PRKCZ: variants seen among roughly 807,000 people sequenced by gnomAD.
PRKCZ encodes protein kinase C zeta type.
In PRKCZ, 33 loss-of-function variants were observed where a neutral mutation model predicts 79.5. The ratio of observed to expected loss-of-function variants is 0.41; its 90% CI spans 0.31 to 0.55. PRKCZ has a LOEUF of 0.55. Ranked by LOEUF, PRKCZ falls within the 20% of genes least tolerant of loss-of-function variation. PRKCZ has a pLI of 0.19. For synonymous variants in PRKCZ, 342 were observed against 320.9 expected (o/e 1.07, Z -0.70); for missense variants, 578 against 813.5 (o/e 0.71, Z 3.52).
intron 9 of PRKCZ, among the ~76,000 whole-genome samples, chr1:2,155,384 G>A (rs981431615): frequency 5.3e-5 from 8 of 152,130 alleles, no homozygotes; most frequent in Admixed American, 5.2e-4. Context: ...CAGTGGTGAT[G>A]ATGGAGATGG....
chr1:2,093,069 G>A (rs548618262), intron 4 of PRKCZ, among the ~76,000 whole-genome samples: 2 of 151,808 alleles, frequency 1.3e-5, no homozygotes, highest in Admixed American at 6.5e-5. Context: ...AGATGCCAAT[G>A]TGATGGGTGG....
chr1:2,153,454 G>A (rs1680306614), intron 9 of PRKCZ, among the ~76,000 whole-genome samples: 1 of 151,286 alleles, frequency 6.6e-6, no homozygotes, highest in Non-Finnish European at 1.5e-5. Context: ...CAGAGCTGGG[G>A]CTGGGGCTGA....
intron 4 of PRKCZ, among the ~76,000 whole-genome samples, chr1:2,119,653 T>C (rs997861684): frequency 1.3e-5 from 2 of 152,242 alleles, no homozygotes; most frequent in African/African-American, 2.4e-5. Flanking sequence ...CCTTCAGATT[T>C]ACCCCCAGGT....
intron 4 of PRKCZ, among the ~76,000 whole-genome samples, chr1:2,102,982 A>C (rs1393109295): frequency 2.6e-5 from 4 of 151,470 alleles, no homozygotes; most frequent in African/African-American, 7.3e-5. Context: ...CAAGCCTCCC[A>C]CCTCAGCCTC....
intron 4 of PRKCZ, among the ~76,000 whole-genome samples, chr1:2,099,109 C>T (rs961575803): frequency 2.0e-5 from 3 of 151,920 alleles, no homozygotes; most frequent in South Asian, 4.1e-4. Context: ...GTCTGTGTTG[C>T]GACTTCTGTG....
chr1:2,067,585 C>T (rs562009249), intron 4 of PRKCZ, among the ~76,000 whole-genome samples: 66 of 152,260 alleles, frequency 4.3e-4, no homozygotes, highest in Admixed American at 1.4e-3. Flanking sequence ...GGTCTGTGGG[C>T]TCCACCTGCT....
At chr1:2,112,697 T>TGG (rs1218042817) in intron 4 of PRKCZ, among the ~76,000 whole-genome samples, 4 of 146,754 alleles carry the variant, frequency 2.7e-5, no homozygotes, top group African/African-American at 7.4e-5. Context: ...GTTGGTTTTT[T>TGG]TTTTTTTTGG....
intron 4 of PRKCZ, among the ~76,000 whole-genome samples, chr1:2,108,693 C>G (rs1024886152): frequency 6.6e-6 from 1 of 152,220 alleles, no homozygotes; most frequent in East Asian, 1.9e-4. Flanking sequence ...GGGCTGTGAG[C>G]GAGGCTGTCT....
At chr1:2,155,951 G>A (rs768527034) in intron 9 of PRKCZ, 44 bp from the exon 10 acceptor site, 3 of 1,554,974 alleles carry the variant, frequency 1.9e-6, no homozygotes, top group Middle Eastern at 1.7e-4. Context: ...TGCCTGTGAG[G>A]AGCATTCGGG....
chr1:2,135,787 C>G (rs559615629), intron 5 of PRKCZ, among the ~76,000 whole-genome samples: 11 of 152,258 alleles, frequency 7.2e-5, no homozygotes, highest in Non-Finnish European at 1.6e-4. Flanking sequence ...CTGCTTGGGC[C>G]TCTGTCTTCC....
At chr1:2,099,066 TC>T (rs932951886) in intron 4 of PRKCZ, among the ~76,000 whole-genome samples, 2 of 151,912 alleles carry the variant, frequency 1.3e-5, no homozygotes, top group African/African-American at 4.8e-5. Context: ...TGCTGTGACT[TC>T]CGTTGTTGTC....
Position 2,051,319 on chromosome 1 carries a change from G to A in PRKCZ, c.71+618G>A, listed in dbSNP as rs559745603. 7.2e-5 allele frequency among the ~76,000 whole-genome samples: 11 copies of A among 152,218 alleles called. No homozygotes were observed. The South Asian group carries it at 1.9e-3, about 26-fold the overall frequency. On this transcript the variant is annotated intron_variant, in intron 1 of 17. Coordinates refer to ENST00000378567, the MANE Select transcript of PRKCZ (RefSeq NM_002744.6). The stretch of plus-strand genomic sequence containing the variant: ...GCGCGGTCAGGTGCTGGAGCGGAGG[G>A]GTCCTGGACTCTTGGCCGCCGCCTC...
At chr1:2,122,107 T>C (rs1480529500) in intron 4 of PRKCZ, among the ~76,000 whole-genome samples, 1 of 57,794 alleles carries the variant, frequency 1.7e-5, no homozygotes, top group Non-Finnish European at 3.3e-5. Context: ...AGGGTCATGG[T>C]GGTGGTTAGG....
chr1:2,115,099 C>T (rs1044633421), intron 4 of PRKCZ, among the ~76,000 whole-genome samples: 1 of 152,250 alleles, frequency 6.6e-6, no homozygotes, highest in African/African-American at 2.4e-5. Flanking sequence ...TTGGTGCCTG[C>T]AGATAGTTTT....
intron 10 of PRKCZ, among the ~76,000 whole-genome samples, chr1:2,167,755 C>T (rs1048185184): frequency 2.6e-5 from 4 of 152,168 alleles, no homozygotes; most frequent in African/African-American, 7.2e-5. Context: ...CAGGTGCACA[C>T]CACCAGCCCT....
chr1:2,182,020 A>G (rs1437920489), intron 16 of PRKCZ: 4 of 366,936 alleles, frequency 1.1e-5, no homozygotes, highest in Non-Finnish European at 2.2e-5. Flanking sequence ...CCTGTGGCCC[A>G]GCTTTGAGAC....
chr1:2,071,586 C>T (rs776156899), intron 4 of PRKCZ: 3 of 184,364 alleles, frequency 1.6e-5, no homozygotes, highest in Non-Finnish European at 3.5e-5. Context: ...AGTTTTCCCC[C>T]TAAAATAGGC....
chr1:2,149,052 C>A lies in PRKCZ; in HGVS notation c.687+128C>A. On this transcript the variant is annotated intron_variant, in intron 8 of 17. Coordinates refer to ENST00000378567, the MANE Select transcript of PRKCZ (RefSeq NM_002744.6). This position sits in a 1 kb window ranked among gnomAD's most constrained non-coding sequence, Gnocchi z 4.1. Reference sequence around the variant, plus strand: ...GTCCGGGGTGTTGCTAACTAATCTTCACGGGTGTGGATGTCTAGAAGGAAG... The same window carrying A: ...GTCCGGGGTGTTGCTAACTAATCTTAACGGGTGTGGATGTCTAGAAGGAAG... 2.0e-6 allele frequency: 2 copies of A among 1,014,078 alleles called. No individual in the cohort carries two copies. The highest frequency in any genetic ancestry group is 2.6e-5 in the East Asian group (1 of 38,688). The allele number at this position is 1,014,078 out of a possible 1,614,324, so 62.8% of individuals were successfully genotyped here.
intron 4 of PRKCZ, among the ~76,000 whole-genome samples, chr1:2,102,963 G>A (rs1667755306): frequency 6.6e-6 from 1 of 151,912 alleles, no homozygotes; most frequent in Admixed American, 6.6e-5. Flanking sequence ...CACTGCAGCT[G>A]GGCTCAAGCA....
Sources: gnomAD v4.1 joint callset for allele counts (sites outside exome capture counted in the v4.1 genomes callset) on GRCh38, gnomAD v4.1.1 for gene constraint, Gnocchi (gnomAD v3.1) non-coding constraint, MANE v1.5 for transcripts, NCBI Gene and HGNC (gene_info 2026-07-23, HGNC 2026-07-21) for gene names.